Variants in TULP4 observed in about 807,000 individuals in gnomAD.
TULP4 encodes the protein TUB like protein 4, also known as tubby-related protein 4.
In TULP4, 16 loss-of-function variants were observed where a neutral mutation model predicts 129.0. The ratio of observed to expected loss-of-function variants is 0.12; its 90% CI spans 0.08 to 0.19. The LOEUF (loss-of-function observed/expected upper bound fraction) is 0.19. Ranked by LOEUF, TULP4 falls within the 10% of genes least tolerant of loss-of-function variation. The pLI, the probability that TULP4 is intolerant of heterozygous loss-of-function variation, is 1.00. For synonymous variants in TULP4, 998 were observed against 854.0 expected (o/e 1.17, Z -2.94); for missense variants, 1,842 against 2,059.1 (o/e 0.89, Z 2.04).
chr6:158,497,037 G>A (rs1780351237), intron 11 of TULP4, among the ~76,000 whole-genome samples: 1 of 152,300 alleles, frequency 6.6e-6, no homozygotes, highest in African/African-American at 2.4e-5. Context: ...ATTTTTGGTT[G>A]AGATAGGACT....
chr6:158,292,679 C>G (rs892547040), intron 1 of TULP4, among the ~76,000 whole-genome samples: 2 of 152,054 alleles, frequency 1.3e-5, no homozygotes, highest in African/African-American at 4.8e-5. Flanking sequence ...TTTATTCAAC[C>G]AATACCCTGT....
chr6:158,471,659 A>G (rs73029516), intron 6 of TULP4, among the ~76,000 whole-genome samples: 50 of 152,366 alleles, frequency 3.3e-4, no homozygotes, highest in Non-Finnish European at 6.5e-4. Flanking sequence ...GTATGAGGCC[A>G]GGGCATTGGC....
At chr6:158,393,797 G>C (rs964351955) in intron 1 of TULP4, among the ~76,000 whole-genome samples, 2 of 152,166 alleles carry the variant, frequency 1.3e-5, no homozygotes, top group African/African-American at 4.8e-5. Flanking sequence ...GTGATAGGAC[G>C]GGCTGCAGGG....
intron 1 of TULP4, among the ~76,000 whole-genome samples, chr6:158,355,316 C>A (rs370234696): frequency 6.6e-6 from 1 of 152,080 alleles, no homozygotes; most frequent in Non-Finnish European, 1.5e-5. Flanking sequence ...GAACTCCTAG[C>A]CTTAAGTGAT....
chr6:158,284,103 T>C (rs1051205181), intron 1 of TULP4, among the ~76,000 whole-genome samples: 1 of 151,912 alleles, frequency 6.6e-6, no homozygotes, highest in African/African-American at 2.4e-5. Flanking sequence ...GAAAAATCCA[T>C]AGGTGGGGAA....
chr6:158,382,211 G>A (rs1220994199), intron 1 of TULP4, among the ~76,000 whole-genome samples: 10 of 152,148 alleles, frequency 6.6e-5, no homozygotes, highest in African/African-American at 1.7e-4. Context: ...CTGACTGACC[G>A]ACTGCTCTGC....
chr6:158,475,092 G>A (rs1779787745), intron 6 of TULP4, among the ~76,000 whole-genome samples: 1 of 152,264 alleles, frequency 6.6e-6, no homozygotes, highest in Admixed American at 6.5e-5. Flanking sequence ...CATGTCTTGT[G>A]TACTAGCAGG....
At position 158,506,787 on chromosome 6, in the gene TULP4, G is replaced by A. The variant is rs1780614037; in HGVS notation, c.*93G>A. ...AGCCCTCTAGGGGTCCGATGCCTGGGAGGACCAGAAGCCAACAGCAAAACT... is the reference window on the plus strand; with the variant it reads ...AGCCCTCTAGGGGTCCGATGCCTGGAAGGACCAGAAGCCAACAGCAAAACT... On this transcript the variant is annotated 3_prime_UTR_variant, in exon 14 of 14. Transcript: ENST00000367097. 3 of 880,016 alleles carry A rather than the reference G, an allele frequency of 3.4e-6. No individual in the cohort carries two copies. The highest frequency in any genetic ancestry group is 1.7e-5 in the African/African-American group (1 of 60,126). The allele number at this position is 880,016 out of a possible 1,614,324, so 54.5% of individuals were successfully genotyped here. A position where few individuals can be genotyped will look rare whatever the true frequency, so the allele number is the denominator to read the frequency against.
chr6:158,439,700 C>CTTTTTTTTTTTT (rs71030170), intron 3 of TULP4, among the ~76,000 whole-genome samples: 4 of 68,248 alleles, frequency 5.9e-5, no homozygotes, highest in Non-Finnish European at 7.5e-5. Flanking sequence ...ACTAGAGTTT[C>CTTTTTTTTTTTT]TTTTTTTTTT....
At chr6:158,377,369 A>G (rs1777216597) in intron 1 of TULP4, among the ~76,000 whole-genome samples, 2 of 152,258 alleles carry the variant, frequency 1.3e-5, no homozygotes, top group African/African-American at 4.8e-5. Context: ...TTTAAACCTT[A>G]GGAGTATTAC....
chr6:158,477,851 C>CA (rs1468356200), intron 6 of TULP4, among the ~76,000 whole-genome samples: 1 of 152,184 alleles, frequency 6.6e-6, no homozygotes, highest in Non-Finnish European at 1.5e-5. Flanking sequence ...GATATGGAAT[C>CA]AACCTAAATG....
chr6:158,388,475 G>T (rs565173260), intron 1 of TULP4, among the ~76,000 whole-genome samples: 1 of 151,578 alleles, frequency 6.6e-6, no homozygotes, highest in East Asian at 1.9e-4. Flanking sequence ...GACTAGAGGC[G>T]CCCATCACAA....
Position 158,378,463 on chromosome 6 carries a change from GT to G in TULP4, c.253-34580del, listed in dbSNP as rs61250704. On this transcript the variant is annotated intron_variant, in intron 1 of 13. Coordinates refer to ENST00000367097, the MANE Select transcript of TULP4 (RefSeq NM_020245.5). ...TTGAGCAGTTAGGATGGGGGAGCCA[GT>G]TTTTTTTTTTTTTTTTTTTTTGGTG... Among the ~76,000 whole-genome samples the G allele has an allele frequency of 4.8e-3, 255 of 53,610 alleles. 1 individual carries two copies. Among genetic ancestry groups the G allele is most frequent in the African/African-American group, 0.011 (91 of 8,536 alleles). 35.2% of individuals were successfully genotyped at this position (53,610 alleles called of 152,430 possible). A position where few individuals can be genotyped will look rare whatever the true frequency, so the allele number is the denominator to read the frequency against.
chr6:158,468,997 A>G (rs1254416288), intron 6 of TULP4, among the ~76,000 whole-genome samples: 1 of 152,186 alleles, frequency 6.6e-6, no homozygotes, highest in Non-Finnish European at 1.5e-5. Flanking sequence ...TTTCGGAGGG[A>G]CACACATTCA....
intron 1 of TULP4, among the ~76,000 whole-genome samples, chr6:158,274,949 T>C (rs1324334963): frequency 5.3e-5 from 8 of 152,244 alleles, no homozygotes; most frequent in Non-Finnish European, 1.2e-4. Flanking sequence ...AGCCTTTTAT[T>C]GATCTCTTCC....
intron 1 of TULP4, among the ~76,000 whole-genome samples, chr6:158,342,347 T>G (rs1780202178): frequency 6.6e-6 from 1 of 152,256 alleles, no homozygotes; most frequent in Non-Finnish European, 1.5e-5. Context: ...TTTAAAAAGT[T>G]GAGTTTACAT....
At chr6:158,281,071 G>C (rs567772409), upstream of TULP4, among the ~76,000 whole-genome samples, 75 of 152,310 alleles carry the variant, frequency 4.9e-4, 1 homozygote, top group East Asian at 0.013. Flanking sequence ...GGGCCAGGGT[G>C]AACCACCTCA....
intron 4 of TULP4, among the ~76,000 whole-genome samples, chr6:158,451,183 C>T (rs1393809740): frequency 6.6e-6 from 1 of 152,208 alleles, no homozygotes; most frequent in Non-Finnish European, 1.5e-5. Flanking sequence ...TCCCTGGTTG[C>T]TCCTCCAGGC....
chr6:158,393,252 T>C (rs1777629808), intron 1 of TULP4, among the ~76,000 whole-genome samples: 2 of 152,208 alleles, frequency 1.3e-5, no homozygotes, highest in African/African-American at 4.8e-5. Context: ...CCTGTGGCTC[T>C]GTAGGGTACA....
Sources: allele counts gnomAD v4.1 joint callset (sites outside exome capture counted in the v4.1 genomes callset), GRCh38; gene constraint gnomAD v4.1.1; transcripts MANE v1.5; gene names NCBI Gene and HGNC (gene_info 2026-07-23, HGNC 2026-07-21).